Variants in VSIG4 observed in about 807,000 individuals in gnomAD.
VSIG4 encodes V-set and immunoglobulin domain-containing protein 4.
A neutral mutation model predicts 23.4 loss-of-function variants in VSIG4; 34 were observed. The ratio of observed to expected loss-of-function variants is 1.45; its 90% CI spans 1.10 to 1.93. VSIG4 has a LOEUF of 1.93. Ranked by LOEUF, VSIG4 falls within the 30% of genes most tolerant of loss-of-function variation. The pLI, the probability that VSIG4 is intolerant of heterozygous loss-of-function variation, is 0.00. For synonymous variants in VSIG4, 169 were observed against 120.3 expected (o/e 1.41, Z -2.65); for missense variants, 433 against 310.8 (o/e 1.39, Z -2.96).
chrX:66,022,662 AG>A, intron 7 of VSIG4, 162 bp from the exon 8 acceptor site: 1 of 1,127,509 alleles, frequency 8.9e-7, no homozygotes, highest in African/African-American at 1.8e-5. Flanking sequence ...TTGTGTTCAG[AG>A]GGCCAAAACA....
At position 66,027,776 on chromosome X, in the gene VSIG4, A is replaced by G. The variant is rs138964192; in HGVS notation, c.758-250T>C. ...CCAAAGTCACACAGCAAGTCAAACT[A>G]GGAGCAGAATAGAATTTAGTGTTCT... On this transcript the variant is annotated intron_variant, in intron 4 of 7. Coordinates refer to ENST00000374737, the MANE Select transcript of VSIG4 (RefSeq NM_007268.3). Among the ~76,000 whole-genome samples the G allele has an allele frequency of 4.3e-3, 482 of 112,618 alleles. 3 individuals are homozygous for G. The highest frequency in any genetic ancestry group is 0.014 in the African/African-American group (442 of 31,036).
chrX:66,022,743 G>A (rs1053227201), intron 7 of VSIG4, 98 bp downstream of exon 7: 14 of 1,197,384 alleles, frequency 1.2e-5, no homozygotes, highest in Middle Eastern at 4.8e-4. Context: ...CCTTAGGATT[G>A]GGTCTGTGCC....
Position 66,033,805 on chromosome X carries a change from C to A in VSIG4, c.81G>T (p.Glu27Asp), listed in dbSNP as rs369618869. 1 of 1,207,914 alleles carries A rather than the reference C, an allele frequency of 8.3e-7. No homozygotes were observed. Among genetic ancestry groups the A allele is most frequent in the Non-Finnish European group, 1.1e-6 (1 of 893,301 alleles). Residue 27 changes from glutamate (E) to aspartate (D), a missense_variant, in exon 2 of 8, where the codon GAG (glutamate) becomes GAT (aspartate). By Grantham distance (45) the Glu-to-Asp change is conservative. Coordinates refer to ENST00000374737, the MANE Select transcript of VSIG4 (RefSeq NM_007268.3). Reference sequence around the variant, plus strand: ...CCCCTTTCCAAGGTCCTGTTACACTCTCTGGCACTTCCAGGATGGGACGGC... The same window carrying A: ...CCCCTTTCCAAGGTCCTGTTACACTATCTGGCACTTCCAGGATGGGACGGC... Reference protein sequence around the residue: ...TYGRPILEVPESVTGPWKGDV... With the variant: ...TYGRPILEVPDSVTGPWKGDV...
intron 6 of VSIG4, among the ~76,000 whole-genome samples, chrX:66,024,642 T>A (rs894253433): frequency 1.8e-5 from 2 of 112,047 alleles, no homozygotes; most frequent in African/African-American, 6.5e-5. Flanking sequence ...TTAATTGTCT[T>A]CTCTAGTTTT....
chrX:66,038,317 C>T (rs2085643261), intron 1 of VSIG4, among the ~76,000 whole-genome samples: 1 of 110,275 alleles, frequency 9.1e-6, no homozygotes, highest in African/African-American at 3.3e-5. Flanking sequence ...GGGCTAGGAA[C>T]AATGAGGTCC....
intron 6 of VSIG4, among the ~76,000 whole-genome samples, chrX:66,024,741 A>G (rs1187235185): frequency 8.9e-6 from 1 of 111,927 alleles, no homozygotes; most frequent in Non-Finnish European, 1.9e-5. Context: ...GAGCAACTTG[A>G]GGCCAGGGAT....
chrX:66,039,521 T>A (rs1188098421), intron 1 of VSIG4, among the ~76,000 whole-genome samples: 1 of 111,527 alleles, frequency 9.0e-6, no homozygotes, highest in African/African-American at 3.3e-5. Context: ...TATAGTCCTA[T>A]CCAACTCTTA....
At chrX:66,037,774 C>T (rs747615400) in intron 1 of VSIG4, among the ~76,000 whole-genome samples, 1 of 102,663 alleles carries the variant, frequency 9.7e-6, no homozygotes, top group East Asian at 3.0e-4. Context: ...ATACTTATTG[C>T]TGATAAGTAT....
intron 1 of VSIG4, among the ~76,000 whole-genome samples, chrX:66,034,766 T>TG (rs1211655954): frequency 0.044 from 162 of 3,676 alleles, 1 homozygote; most frequent in Middle Eastern, 0.25. Flanking sequence ...CCCTTGGGGA[T>TG]GGGGGTGGGG....
In VSIG4 at chrX:66,022,023, G is replaced by C. The variant is rs550117323; in HGVS notation, c.*240C>G. 2.8e-4 allele frequency: 316 copies of C among 1,125,843 alleles called. 1 individual carries two copies. In the South Asian group the frequency reaches 6.0e-3, roughly 21 times the overall value. The allele number at this position is 1,125,843 out of a possible 1,213,427, so 92.8% of individuals were successfully genotyped here. ...GCATCTTCCCTCTGGTATTTAGAGA[G>C]GAGTACCAGAAGCCCCCGGCAGAGA... On this transcript the variant is annotated 3_prime_UTR_variant, in exon 8 of 8. Coordinates refer to ENST00000374737, the MANE Select transcript of VSIG4 (RefSeq NM_007268.3).
At chrX:66,037,952 T>C (rs1319927487) in intron 1 of VSIG4, among the ~76,000 whole-genome samples, 1 of 108,814 alleles carries the variant, frequency 9.2e-6, no homozygotes, top group Non-Finnish European at 1.9e-5. Context: ...GGTCTCTTTC[T>C]GAATCCCCTT....
At chrX:66,039,647 C>T (rs191753745) in intron 1 of VSIG4, among the ~76,000 whole-genome samples, 157 of 112,014 alleles carry the variant, frequency 1.4e-3, no homozygotes, top group Non-Finnish European at 2.6e-3. Context: ...AGGAAAGATT[C>T]GGATGTCATT....
At chrX:66,022,911 A>T in intron 6 of VSIG4, 49 bp from the exon 7 acceptor site, 1 of 1,175,184 alleles carries the variant, frequency 8.5e-7, no homozygotes, top group Non-Finnish European at 1.2e-6. Flanking sequence ...GCAAGTGGAC[A>T]AAGGTCAATC....
At chrX:66,035,837 A>C (rs2085531556) in intron 1 of VSIG4, among the ~76,000 whole-genome samples, 1 of 112,312 alleles carries the variant, frequency 8.9e-6, no homozygotes, top group South Asian at 3.7e-4. Context: ...CTCTTGGGCA[A>C]CAAAGCAGCA....
At position 66,032,486 on chromosome X, in the gene VSIG4, C is replaced by A. The variant is rs997333128; in HGVS notation, c.676G>T (p.Val226Leu). ...QVGSEQHSDIVKFVVKDSSKL... is the reference protein window; with the variant it reads ...QVGSEQHSDILKFVVKDSSKL... ...CGCTCACCTTTGACCACAAACTTCA[C>A]AATGTCGCTGTGCTGCTCAGAGCCA... Residue 226 changes from valine to leucine, a missense_variant, in exon 3 of 8, where the codon GTG becomes TTG. Transcript: ENST00000374737. 8.3e-7 allele frequency: 1 copy of A among 1,210,281 alleles called. No homozygotes were observed. The highest frequency in any genetic ancestry group is 2.4e-4 in the Middle Eastern group (1 of 4,239).
chrX:66,022,750 T>C (rs777156742), intron 7 of VSIG4, 91 bp downstream of exon 7: 232 of 1,203,317 alleles, frequency 1.9e-4, no homozygotes, highest in Admixed American at 9.1e-4. Flanking sequence ...ATTGGGTCTG[T>C]GCCACACCCC....
chrX:66,029,577 G>A (rs2085440740), intron 3 of VSIG4, among the ~76,000 whole-genome samples: 1 of 111,425 alleles, frequency 9.0e-6, no homozygotes, highest in Non-Finnish European at 1.9e-5. Flanking sequence ...TGAACATGGG[G>A]AGAACATTTA....
chrX:66,039,134 C>G (rs1180145144), intron 1 of VSIG4, among the ~76,000 whole-genome samples: 3 of 111,974 alleles, frequency 2.7e-5, no homozygotes, highest in Non-Finnish European at 5.6e-5. Context: ...TGAGCCATGT[C>G]TATAGGGAAG....
intron 1 of VSIG4, among the ~76,000 whole-genome samples, chrX:66,036,253 A>G (rs1260367322): frequency 1.9e-5 from 2 of 106,202 alleles, no homozygotes; most frequent in African/African-American, 6.9e-5. Flanking sequence ...CTCCTGCTTC[A>G]TTAGTTGCAT....
Sources: allele counts gnomAD v4.1 joint callset (sites outside exome capture counted in the v4.1 genomes callset), GRCh38; gene constraint gnomAD v4.1.1; transcripts MANE v1.5; gene names NCBI Gene and HGNC (gene_info 2026-07-23, HGNC 2026-07-21).